The following KRIT1 variants were observed in gnomAD, a reference collection of about 807,000 sequenced individuals.
The protein encoded by KRIT1 is KRIT1 ankyrin repeat containing, also known as krev interaction trapped protein 1.
KRIT1 carries 45 observed loss-of-function variants against 95.8 expected under a neutral mutation model. That is an observed-to-expected ratio of 0.47 (90% CI 0.37 to 0.60). KRIT1 has a LOEUF of 0.60. Ranked by LOEUF, KRIT1 falls within the 20% of genes least tolerant of loss-of-function variation. The pLI, the probability that KRIT1 is intolerant of heterozygous loss-of-function variation, is 0.00. For missense variants in KRIT1, 788 were observed against 877.5 expected (o/e 0.90, Z 1.29); for synonymous variants, 282 against 278.8 (o/e 1.01, Z -0.11).
At chr7:92,225,600 A>C in intron 12 of KRIT1, 120 bp downstream of exon 12, 1 of 699,860 alleles carries the variant, frequency 1.4e-6, no homozygotes, top group Non-Finnish European at 2.6e-6. Flanking sequence ...GCCTACAATG[A>C]GGTTTTATAG....
intron 14 of KRIT1, among the ~76,000 whole-genome samples, chr7:92,221,642 A>G (rs1370713649): frequency 6.6e-6 from 1 of 152,142 alleles, no homozygotes; most frequent in Non-Finnish European, 1.5e-5. Context: ...TTTTTCCTGT[A>G]TAATTTGGCT....
At chr7:92,234,759 A>G in intron 9 of KRIT1, 49 bp downstream of exon 9, 1 of 1,210,022 alleles carries the variant, frequency 8.3e-7, no homozygotes. Flanking sequence ...ACTTTAAATT[A>G]GAATGTAAGT....
rs1008888434 is a variant in KRIT1 at position 92,212,728 on chromosome 7, T to C, written c.2025+467A>G. Among the ~76,000 whole-genome samples the C allele has an allele frequency of 1.6e-4, 25 of 152,340 alleles. No homozygotes were observed. In the East Asian group the frequency reaches 2.9e-3, roughly 18 times the overall value. The stretch of plus-strand genomic sequence containing the variant: ...CCAATCAGTCTATAGGGCTTTGTTA[T>C]AGTGGCCTGAACTAGATAGGTATGT... On this transcript the variant is annotated intron_variant, in intron 17 of 18. Transcript: ENST00000394505.
At chr7:92,222,099 TTA>T in intron 13 of KRIT1, 46 bp from the exon 14 acceptor site, 1 of 1,428,520 alleles carries the variant, frequency 7.0e-7, no homozygotes, top group Middle Eastern at 1.7e-4. Flanking sequence ...AAAAAGTCAA[TTA>T]TATCAATGCA....
intron 14 of KRIT1, among the ~76,000 whole-genome samples, chr7:92,219,738 C>A (rs1373033449): frequency 6.6e-6 from 1 of 152,184 alleles, no homozygotes; most frequent in Non-Finnish European, 1.5e-5. Context: ...GTAGTGACAT[C>A]TTAACGATGC....
At chr7:92,218,249 A>AAAACAAAGACAAAGACAAAAACAG (rs1794403319) in intron 14 of KRIT1, among the ~76,000 whole-genome samples, 1 of 151,976 alleles carries the variant, frequency 6.6e-6, no homozygotes, top group African/African-American at 2.4e-5. Context: ...GACAAAAACA[A>AAAACAAAGACAAAGACAAAAACAG]AAACAAAACT....
chr7:92,214,885 T>C, intron 14 of KRIT1, 108 bp from the exon 15 acceptor site: 1 of 790,164 alleles, frequency 1.3e-6, no homozygotes, highest in Non-Finnish European at 2.1e-6. Flanking sequence ...AAATGAGCTG[T>C]TACTGTTTTG....
chr7:92,228,047 G>A (rs1309348835), intron 10 of KRIT1, among the ~76,000 whole-genome samples: 1 of 151,966 alleles, frequency 6.6e-6, no homozygotes, highest in Non-Finnish European at 1.5e-5. Context: ...GGAAGACAGG[G>A]TTTGGCCATG....
intron 5 of KRIT1, among the ~76,000 whole-genome samples, chr7:92,238,963 T>C (rs1798998068): frequency 6.6e-6 from 1 of 152,238 alleles, no homozygotes. Flanking sequence ...ATTTTAAGCC[T>C]AACTACTGCT....
At position 92,213,275 on chromosome 7, in the gene KRIT1, T is replaced by C; in HGVS notation, c.1945A>G (p.Ser649Gly). The part of the protein sequence containing the change: ...FFTGQIFTKA[S>G]PSNHKVIPVY... ...GGGATGACTTTATGATTGCTGGGGC[T>C]TGCCTTTGTAAATATCTGTCCTGTG... Residue 649 changes from serine (S) to glycine (G), a missense_variant, in exon 17 of 19, where the codon AGC (serine) becomes GGC (glycine). Transcript: ENST00000394505. The C allele has an allele frequency of 6.2e-7, 1 of 1,613,682 alleles. No individual in the cohort carries two copies. Among genetic ancestry groups the C allele is most frequent in the Non-Finnish European group, 8.5e-7 (1 of 1,179,644 alleles).
intron 15 of KRIT1, among the ~76,000 whole-genome samples, 167 bp downstream of exon 15, chr7:92,214,444 A>C (rs1793527971): frequency 6.6e-6 from 1 of 152,172 alleles, no homozygotes; most frequent in Admixed American, 6.5e-5. Context: ...TGGAGAGTAT[A>C]ACTTTAAGAA....
chr7:92,228,517 C>A (rs1302419664), intron 10 of KRIT1, among the ~76,000 whole-genome samples: 2 of 152,186 alleles, frequency 1.3e-5, no homozygotes, highest in African/African-American at 4.8e-5. Flanking sequence ...AAATCAGACA[C>A]TTTCATCCTA....
At position 92,218,036 on chromosome 7, in the gene KRIT1, T is replaced by A. The variant is rs36094224; in HGVS notation, c.1564-3259A>T. ...CATCTTTTCATGTGTTTGCTGGCTA[T>A]TTATATATTCAAGTCCTTCGACCTA... On this transcript the variant is annotated intron_variant, in intron 14 of 18. Coordinates refer to ENST00000394505, the MANE Select transcript of KRIT1 (RefSeq NM_194454.3). Among the ~76,000 whole-genome samples the A allele has an allele frequency of 9.2e-3, 1,397 of 152,278 alleles. 18 individuals carry two copies. Among genetic ancestry groups the A allele is most frequent in the African/African-American group, 0.031 (1,283 of 41,550 alleles).
intron 17 of KRIT1, chr7:92,206,790 TAAG>T (rs1239816085): frequency 1.3e-5 from 2 of 151,768 alleles, no homozygotes; most frequent in Non-Finnish European, 2.9e-5. Flanking sequence ...CAGTGTGACT[TAAG>T]ACATATAAGA....
chr7:92,201,934 G>T (rs1790265317), intron 17 of KRIT1, among the ~76,000 whole-genome samples: 1 of 152,128 alleles, frequency 6.6e-6, no homozygotes, highest in South Asian at 2.1e-4. Context: ...AGAGTGCTGT[G>T]AGCAATATTT....
At chr7:92,208,482 G>A (rs1411722616) in intron 17 of KRIT1, among the ~76,000 whole-genome samples, 2 of 151,960 alleles carry the variant, frequency 1.3e-5, no homozygotes, top group African/African-American at 4.8e-5. Flanking sequence ...CTAACCAAGA[G>A]AGAAAGAAAA....
In KRIT1 at chr7:92,241,116, T is replaced by G. The variant is rs767659177; in HGVS notation, c.139A>C (p.Lys47Gln). The change falls in exon 5 of 19, where the codon AAA (lysine) becomes CAA (glutamine). Residue 47 changes from lysine (K) to glutamine (Q), a missense_variant. By Grantham distance (53) the Lys-to-Gln change is moderately conservative. Coordinates refer to ENST00000394505, the MANE Select transcript of KRIT1 (RefSeq NM_194454.3). ...TCCAATAAAACTTTCTTTCTCTTTT[T>G]TTTCTGTCCTTCAATGGGAACTTCA... is the stretch of plus-strand genomic sequence containing the variant. ...LHEVPIEGQK[K>Q]KRKKVLLETK... 9 of 1,611,400 alleles carry G rather than the reference T, an allele frequency of 5.6e-6. No individual in the cohort carries two copies. In the South Asian group the frequency reaches 9.9e-5, roughly 18 times the overall value.
At position 92,234,938 on chromosome 7, in the gene KRIT1, C is replaced by CA. The variant is rs753113118; in HGVS notation, c.730-16dup. 2.3e-5 allele frequency: 28 copies of CA among 1,197,632 alleles called. No homozygotes were observed. The Admixed American group carries it at 4.2e-4, about 18-fold the overall frequency. 74.2% of individuals were successfully genotyped at this position (1,197,632 alleles called of 1,614,324 possible). A position where few individuals can be genotyped will look rare whatever the true frequency, so the allele number is the denominator to read the frequency against. On this transcript the variant is annotated splice_polypyrimidine_tract_variant and intron_variant, in intron 8 of 18. Transcript: ENST00000394505. ...ACTTTATCTACCTAGAAAGGGAAAA[C>CA]AATAACAAAAACCCATTAAGAGCTT... is the stretch of plus-strand genomic sequence containing the variant.
At position 92,234,482 on chromosome 7, in the gene KRIT1, C is replaced by T; in HGVS notation, c.956G>A (p.Ser319Asn). Reference sequence around the variant, plus strand: ...ATAATGAATGGGTGCCCAGTGGTCACTATCTAACTGGTTGACTGAAAATCT... The same window carrying T: ...ATAATGAATGGGTGCCCAGTGGTCATTATCTAACTGGTTGACTGAAAATCT... ...SERFSVNQLD[S>N]DHWAPIHYAC... is the part of the protein sequence containing the mutation. The change falls in exon 10 of 19, where the codon AGT (serine) becomes AAT (asparagine). Residue 319 changes from serine (S) to asparagine (N), a missense_variant. Transcript: ENST00000394505. 1 of 1,610,024 alleles carries T rather than the reference C, an allele frequency of 6.2e-7. No homozygotes were observed. The highest frequency in any genetic ancestry group is 8.5e-7 in the Non-Finnish European group (1 of 1,176,212).
Sources: allele counts gnomAD v4.1 joint callset (sites outside exome capture counted in the v4.1 genomes callset), GRCh38; gene constraint gnomAD v4.1.1; transcripts MANE v1.5; gene names NCBI Gene and HGNC (gene_info 2026-07-23, HGNC 2026-07-21).